CNTN3: variants seen among roughly 807,000 people sequenced by gnomAD.
CNTN3 encodes contactin-3.
Under a neutral mutation model 119.1 loss-of-function variants are expected in CNTN3, and 60 were observed. The ratio of observed to expected loss-of-function variants is 0.50; its 90% CI spans 0.41 to 0.62. CNTN3 has a LOEUF of 0.62. CNTN3 is among the 20% of genes least tolerant of loss of function. The pLI is 0.00. For synonymous variants in CNTN3, 450 were observed against 438.7 expected (o/e 1.03, Z -0.32); for missense variants, 1,101 against 1,242.4 (o/e 0.89, Z 1.71).
intron 5 of CNTN3, among the ~76,000 whole-genome samples, chr3:74,414,645 C>T (rs559176293): frequency 1.2e-4 from 18 of 152,108 alleles, no homozygotes; most frequent in Non-Finnish European, 2.2e-4. Flanking sequence ...CTAGAGTTTA[C>T]AAAACACTGC....
chr3:74,317,747 C>T (rs1359915314), intron 13 of CNTN3, among the ~76,000 whole-genome samples: 1 of 152,104 alleles, frequency 6.6e-6, no homozygotes, highest in Admixed American at 6.5e-5. Flanking sequence ...GTAACCCGAC[C>T]TTTCTCTCTG....
intron 1 of CNTN3, among the ~76,000 whole-genome samples, chr3:74,567,641 G>A (rs1183990648): frequency 6.6e-6 from 1 of 151,954 alleles, no homozygotes; most frequent in East Asian, 1.9e-4. Context: ...CTCCAAGAAG[G>A]GACCTTTTTG....
intron 4 of CNTN3, among the ~76,000 whole-genome samples, chr3:74,438,622 G>A (rs922157586): frequency 1.3e-5 from 2 of 152,138 alleles, no homozygotes; most frequent in Non-Finnish European, 2.9e-5. Flanking sequence ...GTCTCTCCAG[G>A]AACACCATAA....
intron 5 of CNTN3, among the ~76,000 whole-genome samples, chr3:74,420,004 T>C (rs972285900): frequency 1.2e-4 from 19 of 152,248 alleles, no homozygotes; most frequent in Non-Finnish European, 2.4e-4. Context: ...AGGTGATGCA[T>C]GTCCAGTCTT....
At chr3:74,463,221 A>G (rs1159818543) in intron 4 of CNTN3, among the ~76,000 whole-genome samples, 1 of 152,132 alleles carries the variant, frequency 6.6e-6, no homozygotes, top group African/African-American at 2.4e-5. Context: ...TATGTTGTGT[A>G]TGTCTCTTTT....
At chr3:74,554,391 G>T (rs60965155) in intron 1 of CNTN3, among the ~76,000 whole-genome samples, 14,342 of 152,174 alleles carry the variant, frequency 0.094, 807 homozygotes, top group East Asian at 0.2. Context: ...GGATTGTCTT[G>T]GCTATGGGGC....
chr3:74,611,007 AAGTC>A lies in CNTN3; in HGVS notation c.-81+3380_-81+3383del, dbSNP rs543359033. 1.2e-4 allele frequency among the ~76,000 whole-genome samples: 18 copies of A among 152,320 alleles called. No homozygotes were observed. In the South Asian group the frequency reaches 3.3e-3, roughly 28 times the overall value. ...TATCTTAACATCTGAAAGGTAATCAAAGTCAAGGGACTTAAAAAACAAATGGGAC... is the reference window on the plus strand; with the variant it reads ...TATCTTAACATCTGAAAGGTAATCAAAAGGGACTTAAAAAACAAATGGGAC... On this transcript the variant is annotated intron_variant, in intron 1 of 22. Transcript: ENST00000263665.
rs74940505 is a variant in CNTN3, at chr3:74,507,466, T to C, written c.56-7681A>G. On this transcript the variant is annotated intron_variant, in intron 2 of 22. Transcript: ENST00000263665. ...AATACGACTTAGTGATTGTATTTTGTAGTATTTTACAGCTGTAATCTCATA... is the reference window on the plus strand; with the variant it reads ...AATACGACTTAGTGATTGTATTTTGCAGTATTTTACAGCTGTAATCTCATA... Among the ~76,000 whole-genome samples the C allele has an allele frequency of 4.5e-3, 682 of 151,540 alleles. 8 individuals carry two copies. In the East Asian group the frequency reaches 0.063, roughly 14 times the overall value.
chr3:74,605,135 G>T (rs1010831126), intron 1 of CNTN3, among the ~76,000 whole-genome samples: 6 of 152,082 alleles, frequency 3.9e-5, no homozygotes, highest in African/African-American at 9.7e-5. Flanking sequence ...GGTTACCAGG[G>T]GGGTGAGGAG....
intron 1 of CNTN3, among the ~76,000 whole-genome samples, chr3:74,570,497 G>A (rs200161491): frequency 2.1e-5 from 3 of 143,402 alleles, no homozygotes; most frequent in African/African-American, 5.2e-5. Flanking sequence ...TTAAATGCGG[G>A]AAAAAAAAAT....
chr3:74,444,964 A>G (rs150016094), intron 4 of CNTN3, among the ~76,000 whole-genome samples: 1 of 152,318 alleles, frequency 6.6e-6, no homozygotes, highest in East Asian at 1.9e-4. Context: ...TAATATGAAA[A>G]GATGGTAAAA....
chr3:74,328,774 T>G (rs1307779926), intron 13 of CNTN3, among the ~76,000 whole-genome samples: 1 of 152,208 alleles, frequency 6.6e-6, no homozygotes, highest in Non-Finnish European at 1.5e-5. Flanking sequence ...TGGGGAATTC[T>G]TGTTTCTTTA....
intron 5 of CNTN3, among the ~76,000 whole-genome samples, chr3:74,417,357 A>G (rs529886102): frequency 6.6e-6 from 1 of 152,186 alleles, no homozygotes; most frequent in Non-Finnish European, 1.5e-5. Flanking sequence ...ATATATTTCT[A>G]TCAACTTCAA....
chr3:74,476,044 A>C (rs180737914), intron 4 of CNTN3, among the ~76,000 whole-genome samples: 88 of 152,286 alleles, frequency 5.8e-4, no homozygotes, highest in Middle Eastern at 3.4e-3. Flanking sequence ...TCCATGTGAA[A>C]GAAGTTTGTG....
intron 5 of CNTN3, among the ~76,000 whole-genome samples, chr3:74,376,941 CAAA>C (rs34459321): frequency 2.8e-5 from 4 of 140,722 alleles, no homozygotes; most frequent in East Asian, 2.1e-4. Flanking sequence ...TGAACAGAGA[CAAA>C]AAAAAAAAAA....
chr3:74,438,270 T>C (rs1701905034), intron 4 of CNTN3, among the ~76,000 whole-genome samples: 1 of 152,238 alleles, frequency 6.6e-6, no homozygotes, highest in African/African-American at 2.4e-5. Flanking sequence ...TCCACCACTC[T>C]GTGATTGAAT....
intron 1 of CNTN3, among the ~76,000 whole-genome samples, chr3:74,604,005 T>C (rs1469106230): frequency 1.3e-5 from 2 of 152,016 alleles, no homozygotes; most frequent in South Asian, 2.1e-4. Flanking sequence ...AGTCAAGAAA[T>C]AAATCCATGC....
At chr3:74,281,280 G>C (rs1352355428) in intron 20 of CNTN3, among the ~76,000 whole-genome samples, 1 of 152,120 alleles carries the variant, frequency 6.6e-6, no homozygotes, top group Non-Finnish European at 1.5e-5. Flanking sequence ...GTTGGAGGCA[G>C]CTTGCCTTGA....
chr3:74,489,717 T>C (rs1315340314), intron 3 of CNTN3, among the ~76,000 whole-genome samples: 2 of 149,232 alleles, frequency 1.3e-5, no homozygotes, highest in African/African-American at 2.5e-5. Flanking sequence ...AACTGCTCAT[T>C]GGTTTATCAG....
Sources: gnomAD v4.1 joint callset for allele counts (sites outside exome capture counted in the v4.1 genomes callset) on GRCh38, gnomAD v4.1.1 for gene constraint, MANE v1.5 for transcripts, NCBI Gene and HGNC (gene_info 2026-07-23, HGNC 2026-07-21) for gene names.